Variants in FOXP2 observed in about 807,000 individuals in gnomAD.
The protein encoded by FOXP2 is forkhead box protein P2.
FOXP2 carries 12 observed loss-of-function variants against 115.8 expected under a neutral mutation model. The ratio of observed to expected loss-of-function variants is 0.10; its 90% CI spans 0.07 to 0.17. The LOEUF is 0.17. Ranked by LOEUF, FOXP2 falls within the 10% of genes least tolerant of loss-of-function variation. The probability of loss-of-function intolerance (pLI) is 1.00; values close to 1 mark genes in which losing one functional copy is unlikely to be tolerated. For missense variants in FOXP2, 629 were observed against 843.5 expected (o/e 0.75, Z 3.15); for synonymous variants, 328 against 297.7 (o/e 1.10, Z -1.05).
intron 3 of FOXP2, among the ~76,000 whole-genome samples, chr7:114,619,388 T>C (rs1196759449): frequency 1.3e-5 from 2 of 152,128 alleles, no homozygotes; most frequent in African/African-American, 2.4e-5. Flanking sequence ...TTTTAATACA[T>C]CATATGAGGA....
intron 2 of FOXP2, among the ~76,000 whole-genome samples, chr7:114,306,970 C>T (rs994253171): frequency 3.3e-5 from 5 of 152,124 alleles, no homozygotes; most frequent in East Asian, 1.9e-4. Context: ...TAATTCCAGA[C>T]GATCTCCCTA....
chr7:114,311,129 A>G (rs201408456), intron 2 of FOXP2, among the ~76,000 whole-genome samples: 3 of 152,046 alleles, frequency 2.0e-5, no homozygotes, highest in African/African-American at 2.4e-5. Context: ...GCTGTGACCA[A>G]TTATTTTAGA....
intron 1 of FOXP2, among the ~76,000 whole-genome samples, chr7:114,124,074 C>A (rs1050518814): frequency 3.9e-5 from 6 of 151,994 alleles, no homozygotes; most frequent in Non-Finnish European, 8.8e-5. Context: ...TTTATCCTCT[C>A]TCTCTCTCTG....
chr7:114,341,733 G>A (rs537369035), intron 2 of FOXP2, among the ~76,000 whole-genome samples: 55 of 150,874 alleles, frequency 3.6e-4, no homozygotes, highest in African/African-American at 1.3e-3. Context: ...AGAAAGATAC[G>A]TTCATTCCCT....
chr7:114,670,146 A>T (rs1452077443), intron 16 of FOXP2, among the ~76,000 whole-genome samples: 1 of 151,992 alleles, frequency 6.6e-6, no homozygotes, highest in East Asian at 1.9e-4. Flanking sequence ...TTGCTTGCTA[A>T]ATATTCTATA....
chr7:114,308,516 G>A (rs116827095), intron 2 of FOXP2, among the ~76,000 whole-genome samples: 1,579 of 152,192 alleles, frequency 0.01, 34 homozygotes, highest in African/African-American at 0.036. Flanking sequence ...ATGGTCAAAG[G>A]CGATAAACCC....
chr7:114,524,982 A>G (rs903751079), intron 2 of FOXP2, among the ~76,000 whole-genome samples: 3 of 152,176 alleles, frequency 2.0e-5, no homozygotes, highest in African/African-American at 7.2e-5. Context: ...GGAGATTAAA[A>G]TACAACTTTT....
chr7:114,374,717 G>A (rs1021056934), intron 2 of FOXP2, among the ~76,000 whole-genome samples: 3 of 152,176 alleles, frequency 2.0e-5, no homozygotes, highest in East Asian at 3.8e-4. Context: ...CTTGGTTGAA[G>A]GGATCTTGAC....
At chr7:114,563,794 C>A (rs1038970597) in intron 3 of FOXP2, among the ~76,000 whole-genome samples, 1 of 152,216 alleles carries the variant, frequency 6.6e-6, no homozygotes, top group African/African-American at 2.4e-5. Flanking sequence ...GAACCAAATT[C>A]TCTTTCATTC....
intron 3 of FOXP2, among the ~76,000 whole-genome samples, chr7:114,573,583 C>T (rs1801427744): frequency 6.6e-6 from 1 of 151,680 alleles, no homozygotes; most frequent in Non-Finnish European, 1.5e-5. Context: ...TTAAGAGACC[C>T]TACATAATGC....
At chr7:114,401,176 C>T (rs1792879487) in intron 2 of FOXP2, among the ~76,000 whole-genome samples, 1 of 151,910 alleles carries the variant, frequency 6.6e-6, no homozygotes, top group Non-Finnish European at 1.5e-5. Flanking sequence ...CACAGATGGG[C>T]CTAGAAGAAG....
chr7:114,320,561 T>G (rs900467153), intron 2 of FOXP2, among the ~76,000 whole-genome samples: 1 of 152,252 alleles, frequency 6.6e-6, no homozygotes, highest in Non-Finnish European at 1.5e-5. Flanking sequence ...TAAAACATTC[T>G]AGTTATTCAG....
chr7:114,475,213 T>C (rs2189011), intron 2 of FOXP2, among the ~76,000 whole-genome samples: 69,074 of 151,862 alleles, frequency 0.45, 15,852 homozygotes, highest in Admixed American at 0.52. Flanking sequence ...ACCCCTAGTT[T>C]CACTCTCAAA....
intron 2 of FOXP2, among the ~76,000 whole-genome samples, chr7:114,288,272 A>G (rs984239329): frequency 6.6e-6 from 1 of 151,952 alleles, no homozygotes; most frequent in Non-Finnish European, 1.5e-5. Flanking sequence ...GGCAGTAGAA[A>G]TATTAATCAC....
At chr7:114,132,175 C>T (rs1229315933) in intron 1 of FOXP2, among the ~76,000 whole-genome samples, 3 of 152,082 alleles carry the variant, frequency 2.0e-5, no homozygotes, top group Non-Finnish European at 2.9e-5. Context: ...AAACTAATAT[C>T]GTATTAAACT....
intron 2 of FOXP2, among the ~76,000 whole-genome samples, chr7:114,495,030 G>A (rs533430974): frequency 6.3e-4 from 96 of 152,298 alleles, no homozygotes; most frequent in African/African-American, 2.3e-3. Flanking sequence ...TGAGAAGGTA[G>A]CATTACACAC....
chr7:114,540,071 CAGGAAATTGGTATTTAATTCA>C (rs1329274391), intron 3 of FOXP2, among the ~76,000 whole-genome samples: 1 of 151,850 alleles, frequency 6.6e-6, no homozygotes, highest in Non-Finnish European at 1.5e-5. Context: ...TGCTAGCCTC[CAGGAAATTGGTATTTAATTCA>C]AGGTTATGAT....
At position 114,284,448 on chromosome 7, in the gene FOXP2, TTCTG is replaced by T. The variant is rs199780860; in HGVS notation, c.-101-3567_-101-3564del. On this transcript the variant is annotated intron_variant, in intron 1 of 17. Transcript: ENST00000634411. ...CTCTAGTTAGCCTCTCTAGTTCAGTTTCTGTCTCCTTCAAATTATCTTATTTTCT... is the reference window on the plus strand; with the variant it reads ...CTCTAGTTAGCCTCTCTAGTTCAGTTTCTCCTTCAAATTATCTTATTTTCT... 9.1e-3 allele frequency among the ~76,000 whole-genome samples: 1,388 copies of T among 152,276 alleles called. 33 individuals carry two copies. The highest frequency in any genetic ancestry group is 0.032 in the African/African-American group (1,326 of 41,560).
At chr7:114,491,966 G>A (rs964248118) in intron 2 of FOXP2, among the ~76,000 whole-genome samples, 23 of 152,124 alleles carry the variant, frequency 1.5e-4, no homozygotes, top group Non-Finnish European at 3.1e-4. Flanking sequence ...CTATTGATTG[G>A]AATAGTTTCA....
Sources: allele counts gnomAD v4.1 joint callset (sites outside exome capture counted in the v4.1 genomes callset), GRCh38; gene constraint gnomAD v4.1.1; transcripts MANE v1.5; gene names NCBI Gene and HGNC (gene_info 2026-07-23, HGNC 2026-07-21).